WEE2: variants seen among roughly 807,000 people sequenced by gnomAD.
WEE2 encodes the protein wee1-like protein kinase 2.
WEE2 carries 50 observed loss-of-function variants against 60.1 expected under a neutral mutation model. The ratio of observed to expected loss-of-function variants is 0.83; its 90% confidence interval spans 0.66 to 1.05. WEE2 has a LOEUF of 1.05. Ranked by LOEUF, WEE2 falls within the 50% of genes least tolerant of loss-of-function variation. The probability of loss-of-function intolerance (pLI) is 0.00; values close to 1 mark genes in which losing one functional copy is unlikely to be tolerated. For missense variants in WEE2, 631 were observed against 684.3 expected, an observed-to-expected ratio of 0.92 and a Z score of 0.87; for synonymous variants, 240 against 241.0, an observed-to-expected ratio of 1.00 and a Z score of 0.04.
In WEE2 at chr7:141,720,986, C is replaced by T; in HGVS notation, c.810C>T (p.Pro270=). The change falls in exon 5 of 12, where the codon CCC becomes CCT. Residue 270 remains proline, a synonymous_variant. Coordinates refer to ENST00000397541, the MANE Select transcript of WEE2 (RefSeq NM_001105558.1). The part of the protein sequence containing the change: ...VYAHAVLGHH[P]HVVRYYSSWA... ...CTCACGCAGTGCTTGGGCATCACCC[C>T]CATGTGGTACGTTACTATTCCTCAT... 1.2e-6 allele frequency: 2 copies of T among 1,614,172 alleles called. No individual in the cohort carries two copies. Among genetic ancestry groups the T allele is most frequent in the East Asian group, 2.2e-5 (1 of 44,884 alleles).
chr7:141,727,574 TG>T (rs1799041179), intron 10 of WEE2, 128 bp downstream of exon 10: 1 of 1,223,098 alleles, frequency 8.2e-7, no homozygotes, highest in South Asian at 1.7e-5. Context: ...CATAGGTCCC[TG>T]CCCACAAGGA....
intron 4 of WEE2, chr7:141,720,646 T>C: frequency 2.6e-6 from 1 of 389,718 alleles, no homozygotes; most frequent in Non-Finnish European, 4.7e-6. Context: ...TATGCCATGT[T>C]AAAATAAAAA....
At chr7:141,729,742 A>G (rs1173202712) in intron 11 of WEE2, 69 bp downstream of exon 11, 6 of 1,524,330 alleles carry the variant, frequency 3.9e-6, no homozygotes, top group Non-Finnish European at 5.3e-6. Context: ...TAATCCCAAC[A>G]CTTTGGGAGG....
At chr7:141,727,016 G>T (rs936376726) in intron 9 of WEE2, among the ~76,000 whole-genome samples, 7 of 152,142 alleles carry the variant, frequency 4.6e-5, no homozygotes, top group African/African-American at 1.7e-4. Flanking sequence ...AATTTTTATC[G>T]AGAGTCTTAG....
rs560230648 is a variant in WEE2, at chr7:141,708,573, T to C, written c.-186T>C. On this transcript the variant is annotated 5_prime_UTR_variant, in exon 1 of 12. Transcript: ENST00000397541. The stretch of plus-strand genomic sequence containing the variant: ...GAAATCAGGATAAGCTGAGGTCTTA[T>C]AGATTGGTGGTACTTAAGGCAGAAA... 344 of 603,340 alleles carry C rather than the reference T, an allele frequency of 5.7e-4. 2 individuals are homozygous for C. The highest frequency in any genetic ancestry group is 8.8e-4 in the Middle Eastern group (2 of 2,272). 37.4% of individuals were successfully genotyped at this position (603,340 alleles called of 1,614,324 possible). A position where few individuals can be genotyped will look rare whatever the true frequency, so the allele number is the denominator to read the frequency against.
intron 2 of WEE2, among the ~76,000 whole-genome samples, chr7:141,714,961 A>G (rs556648206): frequency 3.9e-5 from 6 of 152,358 alleles, no homozygotes; most frequent in African/African-American, 1.2e-4. Flanking sequence ...AGGATTGTGC[A>G]TATTACTCAG....
intron 4 of WEE2, 172 bp from the exon 5 acceptor site, chr7:141,720,762 AC>A: frequency 2.6e-6 from 2 of 758,066 alleles, no homozygotes; most frequent in Non-Finnish European, 4.1e-6. Flanking sequence ...CATTGTTTCC[AC>A]TGTATATTAC....
At position 141,727,376 on chromosome 7, in the gene WEE2, T is replaced by A. The variant is rs1269839886; in HGVS notation, c.1465T>A (p.Ser489Thr). 8 of 1,614,114 alleles carry A rather than the reference T, an allele frequency of 5.0e-6. No individual in the cohort carries two copies. Among genetic ancestry groups the A allele is most frequent in the Non-Finnish European group, 6.8e-6 (8 of 1,179,974 alleles). ...ALARNTVLRP[S>T]LGKTEELQQQ... ...GGCCAGAAATACAGTTCTCCGGCCT[T>A]CCCTGGGAAAAACAGAAGAGCTCCA... The change falls in exon 10 of 12, where the codon TCC (serine) becomes ACC (threonine). Residue 489 changes from serine (S) to threonine (T), a missense_variant. Coordinates refer to ENST00000397541, the MANE Select transcript of WEE2 (RefSeq NM_001105558.1).
intron 4 of WEE2, 149 bp downstream of exon 4, chr7:141,719,393 CCTTT>C: frequency 1.3e-6 from 1 of 743,578 alleles, no homozygotes. Flanking sequence ...ATATTCATAA[CCTTT>C]CTGAGTTTTC....
At chr7:141,722,936 G>A (rs1798942586) in intron 5 of WEE2, among the ~76,000 whole-genome samples, 198 bp from the exon 6 acceptor site, 1 of 152,132 alleles carries the variant, frequency 6.6e-6, no homozygotes, top group Non-Finnish European at 1.5e-5. Context: ...TCTATTCGTT[G>A]GACTGAAGGC....
At chr7:141,719,853 C>G (rs1420894785) in intron 4 of WEE2, among the ~76,000 whole-genome samples, 1 of 152,054 alleles carries the variant, frequency 6.6e-6, no homozygotes, top group East Asian at 1.9e-4. Context: ...TGGAATTGTC[C>G]TCTGGTGTCT....
At position 141,717,254 on chromosome 7, in the gene WEE2, A is replaced by G. The variant is rs141288247; in HGVS notation, c.585+987A>G. 3.0e-3 allele frequency among the ~76,000 whole-genome samples: 464 copies of G among 152,366 alleles called. 2 individuals are homozygous for G. Among genetic ancestry groups the G allele is most frequent in the Non-Finnish European group, 5.1e-3 (346 of 68,028 alleles). ...ATATTTGTTTTTCCTTTAAATTTTT[A>G]AAGTTTTCTGAAGCAAGTTTTATTT... On this transcript the variant is annotated intron_variant, in intron 3 of 11. Coordinates refer to ENST00000397541, the MANE Select transcript of WEE2 (RefSeq NM_001105558.1).
In WEE2 at chr7:141,723,345, T is replaced by C. The variant is rs189760297; in HGVS notation, c.1027+65T>C. ...TTCTTTCTATGCTATCATCAAAATC[T>C]AGGTCTGTATGTCTATCAAGTGTCA... On this transcript the variant is annotated intron_variant, in intron 6 of 11. Coordinates refer to ENST00000397541, the MANE Select transcript of WEE2 (RefSeq NM_001105558.1). 3,555 of 1,541,612 alleles carry C rather than the reference T, an allele frequency of 2.3e-3. 5 individuals carry two copies. Among genetic ancestry groups the C allele is most frequent in the Middle Eastern group, 3.1e-3 (18 of 5,850 alleles).
At position 141,723,234 on chromosome 7, in the gene WEE2, T is replaced by C; in HGVS notation, c.981T>C (p.Leu327=). ...TCCTTCTACAGATTTCCCTTGGCCT[T>C]AATTACATCCACAACTCTAGCATGG... ...KDILLQISLG[L]NYIHNSSMVH... is the part of the protein sequence containing the mutation. The change falls in exon 6 of 12, where the codon CTT becomes CTC. Residue 327 remains leucine (L), a synonymous_variant. Coordinates refer to ENST00000397541, the MANE Select transcript of WEE2 (RefSeq NM_001105558.1). 6.2e-7 allele frequency: 1 copy of C among 1,614,194 alleles called. No individual in the cohort carries two copies. Among genetic ancestry groups the C allele is most frequent in the Non-Finnish European group, 8.5e-7 (1 of 1,180,032 alleles).
At chr7:141,712,562 C>A (rs1798725003) in intron 1 of WEE2, among the ~76,000 whole-genome samples, 1 of 152,154 alleles carries the variant, frequency 6.6e-6, no homozygotes, top group African/African-American at 2.4e-5. Flanking sequence ...ACTCATAATT[C>A]TATTATTCCA....
At chr7:141,729,824 T>C in intron 11 of WEE2, 151 bp downstream of exon 11, 1 of 930,568 alleles carries the variant, frequency 1.1e-6, no homozygotes, top group Non-Finnish European at 1.6e-6. Flanking sequence ...CCATCTCTAC[T>C]AAAAATACAA....
rs756374307 is a variant in WEE2 at position 141,729,633 on chromosome 7, C to A, written c.1638C>A (p.Arg546=). 5 of 1,613,986 alleles carry A rather than the reference C, an allele frequency of 3.1e-6. No homozygotes were observed. Among genetic ancestry groups the A allele is most frequent in the East Asian group, 4.5e-5 (2 of 44,870 alleles). The change falls in exon 11 of 12, where the codon CGC becomes CGA. Residue 546 remains arginine, a synonymous_variant. Transcript: ENST00000397541. ...ACACAGGATCAAGAAGCACAAAACG[C>A]CTGGTGGGAGGAAAGAGTGCAAGGT... is the stretch of plus-strand genomic sequence containing the variant. The part of the protein sequence containing the change: ...GTHTGSRSTK[R]LVGGKSARSS...
chr7:141,716,159 A>T (rs189130438), intron 2 of WEE2, 63 bp from the exon 3 acceptor site: 20,148 of 1,380,088 alleles, frequency 0.015, 188 homozygotes, highest in Non-Finnish European at 0.016. Context: ...CCTAGAACCT[A>T]GCATAGTTCG....
chr7:141,725,865 A>G (rs1799008505), intron 9 of WEE2, among the ~76,000 whole-genome samples: 1 of 152,210 alleles, frequency 6.6e-6, no homozygotes, highest in Non-Finnish European at 1.5e-5. Flanking sequence ...ATGACTGGCT[A>G]ACTCCAAAAT....
Sources: gnomAD v4.1 joint callset for allele counts (sites outside exome capture counted in the v4.1 genomes callset) on GRCh38, gnomAD v4.1.1 for gene constraint, MANE v1.5 for transcripts, NCBI Gene and HGNC (gene_info 2026-07-23, HGNC 2026-07-21) for gene names.